The following C2CD5 variants were observed in gnomAD, a reference collection of about 807,000 sequenced individuals.
C2CD5 encodes the protein C2 domain-containing protein 5.
Under a neutral mutation model 130.3 loss-of-function variants are expected in C2CD5, and 109 were observed. The ratio of observed to expected loss-of-function variants is 0.84; its 90% CI spans 0.72 to 0.98. The LOEUF (loss-of-function observed/expected upper bound fraction) is 0.98. Among genes scored for constraint, C2CD5 ranks in the 50% least tolerant of loss-of-function variants. The pLI is 0.00. For missense variants in C2CD5, 996 were observed against 1,261.8 expected (o/e 0.79, Z 3.19); for synonymous variants, 454 against 429.2 (o/e 1.06, Z -0.71).
rs1053812361 is a variant in C2CD5, at chr12:22,456,960, T to G, written c.2877+11A>C. On this transcript the variant is annotated intron_variant, in intron 25 of 26. Coordinates refer to ENST00000446597, the MANE Select transcript of C2CD5 (RefSeq NM_001286176.2). ...ATTTTTTAAAAAATGAAATAACTTC[T>G]ATAAAATTACCTCCCGAAGAGAAGT... is the stretch of plus-strand genomic sequence containing the variant. The G allele has an allele frequency of 2.0e-6, 3 of 1,505,964 alleles. No individual in the cohort carries two copies. Among genetic ancestry groups the G allele is most frequent in the African/African-American group, 1.4e-5 (1 of 70,334 alleles). 93.3% of individuals were successfully genotyped at this position (1,505,964 alleles called of 1,614,324 possible). A position where few individuals can be genotyped will look rare whatever the true frequency, so the allele number is the denominator to read the frequency against.
rs148950477 is a variant in C2CD5 at position 22,453,911 on chromosome 12, A to G, written c.3009T>C (p.Asn1003=). 163 of 1,610,938 alleles carry G rather than the reference A, an allele frequency of 1.0e-4. No homozygotes were observed. The African/African-American group carries it at 2.0e-3, about 20-fold the overall frequency. The change falls in exon 26 of 27, where the codon AAT becomes AAC. Residue 1003 remains asparagine (N), a synonymous_variant. Coordinates refer to ENST00000446597, the MANE Select transcript of C2CD5 (RefSeq NM_001286176.2). ...YIMKQCVFME[N]PNKNQAQCLI... is the part of the protein sequence containing the mutation. ...TGCATCTTACCTGGTTTTTATTTGG[A>G]TTCTCCATGAAGACACACTGCTTCA...
chr12:22,532,829 G>C (rs1290092103), intron 3 of C2CD5, among the ~76,000 whole-genome samples: 1 of 152,102 alleles, frequency 6.6e-6, no homozygotes, highest in East Asian at 1.9e-4. Flanking sequence ...CTCCATAATG[G>C]TTATGAAATA....
intron 7 of C2CD5, chr12:22,518,990 T>TC (rs1950025846): frequency 3.9e-6 from 3 of 775,192 alleles, no homozygotes; most frequent in Non-Finnish European, 5.9e-6. Flanking sequence ...CAGCTGGACT[T>TC]CGAGTAAGAA....
At chr12:22,475,490 G>A (rs1192720303) in intron 15 of C2CD5, among the ~76,000 whole-genome samples, 1 of 152,038 alleles carries the variant, frequency 6.6e-6, no homozygotes, top group African/African-American at 2.4e-5. Flanking sequence ...GGCTTAGTGA[G>A]CTTTTTGCTG....
At chr12:22,510,623 C>A (rs16925067) in intron 9 of C2CD5, among the ~76,000 whole-genome samples, 3,218 of 152,196 alleles carry the variant, frequency 0.021, 106 homozygotes, top group African/African-American at 0.073. Context: ...CAATTTTACT[C>A]CCACTTCTAA....
At chr12:22,492,710 C>T (rs1946505729) in intron 11 of C2CD5, among the ~76,000 whole-genome samples, 2 of 152,008 alleles carry the variant, frequency 1.3e-5, no homozygotes, top group Admixed American at 6.6e-5. Flanking sequence ...AATTGAGAAC[C>T]AAGTGTATGA....
At chr12:22,463,361 A>AGCCTTGGC (rs1941525630) in intron 22 of C2CD5, 1 of 152,080 alleles carries the variant, frequency 6.6e-6, no homozygotes, top group Non-Finnish European at 1.5e-5. Flanking sequence ...TCTGCATTCC[A>AGCCTTGGC]GCCTTGGCAA....
intron 12 of C2CD5, among the ~76,000 whole-genome samples, chr12:22,487,742 C>T (rs1040768680): frequency 6.6e-6 from 1 of 152,006 alleles, no homozygotes; most frequent in African/African-American, 2.4e-5. Flanking sequence ...GCTATAAAGA[C>T]ACATGCACAC....
intron 25 of C2CD5, among the ~76,000 whole-genome samples, chr12:22,456,065 T>C (rs560235228): frequency 1.3e-5 from 2 of 152,162 alleles, no homozygotes; most frequent in African/African-American, 2.4e-5. Context: ...CAAAAACATA[T>C]TGTGTTTATT....
intron 25 of C2CD5, among the ~76,000 whole-genome samples, chr12:22,455,021 A>T (rs527431130): frequency 2.6e-5 from 4 of 152,300 alleles, no homozygotes; most frequent in Admixed American, 2.0e-4. Context: ...TATTGGACTT[A>T]TTTACAGTCT....
At chr12:22,516,504 G>T (rs1241042087) in intron 8 of C2CD5, among the ~76,000 whole-genome samples, 1 of 150,744 alleles carries the variant, frequency 6.6e-6, no homozygotes, top group Non-Finnish European at 1.5e-5. Flanking sequence ...AATATGACAA[G>T]TTCATTGATA....
At chr12:22,503,361 T>C (rs919424579) in intron 10 of C2CD5, among the ~76,000 whole-genome samples, 2 of 152,042 alleles carry the variant, frequency 1.3e-5, no homozygotes, top group Non-Finnish European at 2.9e-5. Flanking sequence ...TAATCTAGAG[T>C]TTTGTTTTGT....
intron 22 of C2CD5, among the ~76,000 whole-genome samples, chr12:22,465,624 C>T (rs1419670772): frequency 2.6e-5 from 4 of 152,042 alleles, no homozygotes; most frequent in Admixed American, 2.0e-4. Flanking sequence ...TCTCCCAGAC[C>T]TCAACCCAGA....
intron 9 of C2CD5, 76 bp downstream of exon 9, chr12:22,513,218 A>G (rs565587095): frequency 1.9e-6 from 2 of 1,047,406 alleles, no homozygotes; most frequent in South Asian, 2.8e-5. Flanking sequence ...TCATGAAAAC[A>G]TGCAAGTACA....
chr12:22,502,502 G>GA lies in C2CD5; in HGVS notation c.1147+4208dup, dbSNP rs1192183918. Among the ~76,000 whole-genome samples, 22 of 152,146 alleles carry GA rather than the reference G, an allele frequency of 1.4e-4. No individual in the cohort carries two copies. In the East Asian group the frequency reaches 4.2e-3, roughly 29 times the overall value. On this transcript the variant is annotated intron_variant, in intron 10 of 26. Coordinates refer to ENST00000446597, the MANE Select transcript of C2CD5 (RefSeq NM_001286176.2). ...GATCATTCTGAAGTTAATCACCTAAGAAAAGTCATTGATAATTTATGGTAT... is the reference window on the plus strand; with the variant it reads ...GATCATTCTGAAGTTAATCACCTAAGAAAAAGTCATTGATAATTTATGGTAT...
At chr12:22,531,028 T>C (rs1041131302) in intron 3 of C2CD5, among the ~76,000 whole-genome samples, 1 of 152,080 alleles carries the variant, frequency 6.6e-6, no homozygotes, top group Non-Finnish European at 1.5e-5. Context: ...TAGGTTATAG[T>C]TGGGGGGGAA....
At chr12:22,459,879 G>A (rs891333052) in intron 22 of C2CD5, among the ~76,000 whole-genome samples, 2 of 152,202 alleles carry the variant, frequency 1.3e-5, no homozygotes, top group Non-Finnish European at 2.9e-5. Flanking sequence ...AGAGAAAAGG[G>A]TCAATGTGTT....
chr12:22,471,445 C>T lies in C2CD5; in HGVS notation c.2312G>A (p.Cys771Tyr). Residue 771 changes from cysteine to tyrosine, a missense_variant, in exon 20 of 27, where the codon TGC (cysteine) becomes TAC (tyrosine). Transcript: ENST00000446597. ...CAGAGATACTGTAAAATTTACATGG[C>T]AAAGGCAGCAGGGGATCATAGATCG... is the stretch of plus-strand genomic sequence containing the variant. ...KLRSMIPCCL[C>Y]HVNFTVSLPE... 3 of 1,600,074 alleles carry T rather than the reference C, an allele frequency of 1.9e-6. No individual in the cohort carries two copies. The highest frequency in any genetic ancestry group is 2.6e-6 in the Non-Finnish European group (3 of 1,168,414).
chr12:22,505,654 G>A (rs1948429046), intron 10 of C2CD5, among the ~76,000 whole-genome samples: 1 of 152,130 alleles, frequency 6.6e-6, no homozygotes. Flanking sequence ...CATATGGAAA[G>A]TTCCCACTAT....
Sources: allele counts gnomAD v4.1 joint callset (sites outside exome capture counted in the v4.1 genomes callset), GRCh38; gene constraint gnomAD v4.1.1; transcripts MANE v1.5; gene names NCBI Gene and HGNC (gene_info 2026-07-23, HGNC 2026-07-21).